The following OR2L13 variants were observed in gnomAD, a reference collection of about 807,000 sequenced individuals.
The protein encoded by OR2L13 is olfactory receptor 2L13.
Under a neutral mutation model 15.3 loss-of-function variants are expected in OR2L13, and 14 were observed. The observed-to-expected ratio is 0.91, with a 90% CI of 0.60 to 1.43. OR2L13 has a LOEUF of 1.43. Ranked by LOEUF, OR2L13 falls within the 40% of genes most tolerant of loss-of-function variation. The pLI is 0.00. For missense variants in OR2L13, 367 were observed against 387.9 expected (o/e 0.95, Z 0.45); for synonymous variants, 152 against 142.9 (o/e 1.06, Z -0.45).
chr1:247,987,873 C>T, the OR2L13 span, among the ~76,000 whole-genome samples: 3 of 152,038 alleles, frequency 2.0e-5, no homozygotes, highest in African/African-American at 7.2e-5. Context: ...AACATCATCT[C>T]ATCTGATAGA....
At chr1:247,994,354 T>G in the OR2L13 span, among the ~76,000 whole-genome samples, 297 of 152,070 alleles carry the variant, frequency 2.0e-3, 1 homozygote, top group African/African-American at 4.9e-3. Flanking sequence ...CTGATATCGC[T>G]CCACTGCACT....
At chr1:247,949,491 G>T in the OR2L13 span, 14 of 1,612,690 alleles carry the variant, frequency 8.7e-6, no homozygotes, top group Non-Finnish European at 1.2e-5. Context: ...TCCCTTCATT[G>T]GTATTTCATG....
the OR2L13 span, among the ~76,000 whole-genome samples, chr1:247,998,264 G>A: frequency 1.2e-4 from 19 of 152,090 alleles, no homozygotes; most frequent in Non-Finnish European, 2.8e-4. Context: ...ACAAAAAGTG[G>A]TTTTGCAGCT....
At chr1:248,003,281 G>A in the OR2L13 span, 1 of 1,574,494 alleles carries the variant, frequency 6.4e-7, no homozygotes, top group African/African-American at 1.4e-5. Context: ...CATCTTCTTG[G>A]ACACTCATCT....
the OR2L13 span, among the ~76,000 whole-genome samples, chr1:247,960,101 C>T: frequency 2.0e-5 from 3 of 152,242 alleles, no homozygotes; most frequent in African/African-American, 4.8e-5. Flanking sequence ...ATGATGGTGA[C>T]GTACAGATGG....
the OR2L13 span, chr1:248,083,538 A>T: frequency 1.1e-6 from 1 of 899,202 alleles, no homozygotes; most frequent in Admixed American, 2.3e-5. Flanking sequence ...TCAATGCACA[A>T]ACTTAATTTT....
At chr1:247,947,724 G>A in the OR2L13 span, among the ~76,000 whole-genome samples, 4 of 152,134 alleles carry the variant, frequency 2.6e-5, no homozygotes, top group African/African-American at 4.8e-5. Context: ...GGATGATGAT[G>A]AATATTGAAA....
the OR2L13 span, among the ~76,000 whole-genome samples, chr1:248,068,942 T>A: frequency 6.6e-6 from 1 of 151,922 alleles, no homozygotes; most frequent in African/African-American, 2.4e-5. Flanking sequence ...TAAAAAGAAA[T>A]GAACAAAGCC....
At chr1:248,096,244 G>A (rs185748409), upstream of OR2L13, among the ~76,000 whole-genome samples, 536 of 151,964 alleles carry the variant, frequency 3.5e-3, 5 homozygotes, top group Non-Finnish European at 5.0e-3. Context: ...TTAGCCGGGC[G>A]TGGTGGTGGG....
the OR2L13 span, chr1:247,939,482 GC>G: frequency 6.6e-6 from 1 of 152,112 alleles, no homozygotes; most frequent in Non-Finnish European, 1.5e-5. Context: ...CACATTTCAG[GC>G]CAGGTTAAGT....
the OR2L13 span, among the ~76,000 whole-genome samples, chr1:247,958,409 G>A: frequency 6.6e-6 from 1 of 152,196 alleles, no homozygotes; most frequent in Non-Finnish European, 1.5e-5. Flanking sequence ...TGAAAAAAAT[G>A]TGTATTCTGT....
At chr1:248,000,416 G>A in the OR2L13 span, among the ~76,000 whole-genome samples, 1 of 152,068 alleles carries the variant, frequency 6.6e-6, no homozygotes, top group East Asian at 1.9e-4. Context: ...GACTATAGGT[G>A]AAAAATCTTT....
the OR2L13 span, chr1:248,061,423 A>T: frequency 6.2e-7 from 1 of 1,614,086 alleles, no homozygotes; most frequent in Non-Finnish European, 8.5e-7. Context: ...CACTGTAGTA[A>T]CTTTCTACTA....
the OR2L13 span, chr1:248,041,411 A>AG: frequency 2.0e-5 from 3 of 152,202 alleles, no homozygotes; most frequent in East Asian, 5.8e-4. Flanking sequence ...AAACCCTAGA[A>AG]GAAAACCTAG....
the OR2L13 span, among the ~76,000 whole-genome samples, chr1:247,976,308 T>C: frequency 6.6e-6 from 1 of 152,186 alleles, no homozygotes; most frequent in African/African-American, 2.4e-5. Flanking sequence ...TACAAGACAT[T>C]CTGCCTGGAC....
the OR2L13 span, among the ~76,000 whole-genome samples, chr1:248,031,229 G>A: frequency 2.6e-5 from 4 of 152,094 alleles, no homozygotes; most frequent in African/African-American, 4.8e-5. Context: ...TCTCATTAGG[G>A]ACAGGGCTCT....
chr1:248,072,138 A>G, the OR2L13 span, among the ~76,000 whole-genome samples: 1 of 151,958 alleles, frequency 6.6e-6, no homozygotes, highest in Admixed American at 6.6e-5. Context: ...TTTAAAGTTC[A>G]TATGGAACCA....
the OR2L13 span, among the ~76,000 whole-genome samples, chr1:248,053,219 C>T: frequency 4.9e-4 from 75 of 152,280 alleles, no homozygotes; most frequent in African/African-American, 1.7e-3. Flanking sequence ...GTTTTCTGTT[C>T]CTGCATTAGT....
chr1:248,048,120 C>G, the OR2L13 span, among the ~76,000 whole-genome samples: 1 of 152,166 alleles, frequency 6.6e-6, no homozygotes, highest in Admixed American at 6.5e-5. Flanking sequence ...CAGTTTCTGT[C>G]TAGCCATGGA....
Sources: gnomAD v4.1 joint callset for allele counts (sites outside exome capture counted in the v4.1 genomes callset) on GRCh38, gnomAD v4.1.1 for gene constraint, MANE v1.5 for transcripts, NCBI Gene and HGNC (gene_info 2026-07-23, HGNC 2026-07-21) for gene names.